NEBL: variants seen among roughly 807,000 people sequenced by gnomAD.
The protein encoded by NEBL is LIM and SH3 protein 2.
A neutral mutation model predicts 140.2 loss-of-function variants in NEBL; 122 were observed. The ratio of observed to expected loss-of-function variants is 0.87; its 90% CI spans 0.75 to 1.01. The LOEUF (loss-of-function observed/expected upper bound fraction) is 1.01. NEBL is among the 50% of genes least tolerant of loss of function. The pLI is 0.00. For synonymous variants in NEBL, 436 were observed against 398.9 expected (o/e 1.09, Z -1.11); for missense variants, 1,365 against 1,231.3 (o/e 1.11, Z -1.62).
Position 20,782,978 on chromosome 10 carries a change from G to T in NEBL, c.*2769C>A, listed in dbSNP as rs904585051. On this transcript the variant is annotated 3_prime_UTR_variant, in exon 28 of 28. Transcript: ENST00000377122. ...AAAAGTGTATCAAACTGTTCCTTGTGCTTCTGTCAGGCTTGAGAACACATC... is the reference window on the plus strand; with the variant it reads ...AAAAGTGTATCAAACTGTTCCTTGTTCTTCTGTCAGGCTTGAGAACACATC... The T allele has an allele frequency of 6.6e-6, 1 of 152,606 alleles. No homozygotes were observed. Among genetic ancestry groups the T allele is most frequent in the Non-Finnish European group, 1.5e-5 (1 of 68,036 alleles). 9.5% of individuals were successfully genotyped at this position (152,606 alleles called of 1,614,324 possible).
chr10:21,110,029 A>G (rs548514476), intron 2 of NEBL, among the ~76,000 whole-genome samples: 2 of 151,802 alleles, frequency 1.3e-5, no homozygotes, highest in Non-Finnish European at 2.9e-5. Context: ...GCTTAGTTAT[A>G]TCTTGTCTTC....
At chr10:20,838,333 A>C (rs1346516217) in intron 13 of NEBL, among the ~76,000 whole-genome samples, 1 of 152,218 alleles carries the variant, frequency 6.6e-6, no homozygotes. Context: ...ACTTCAGTGG[A>C]GGAAGCAACT....
intron 4 of NEBL, among the ~76,000 whole-genome samples, chr10:20,908,548 T>C (rs1848195994): frequency 6.6e-6 from 1 of 152,228 alleles, no homozygotes; most frequent in Admixed American, 6.5e-5. Context: ...TTTCCTGCTT[T>C]TCATTCATTA....
chr10:20,914,968 G>GTTTTTTTTTTTTTTTTT (rs1589003845), intron 4 of NEBL, among the ~76,000 whole-genome samples: 2 of 42,710 alleles, frequency 4.7e-5, no homozygotes, highest in African/African-American at 1.8e-4. Context: ...AAGTGGCTGG[G>GTTTTTTTTTTTTTTTTT]ATTTTTTTTT....
chr10:21,191,117 G>T (rs933807008), intron 3 of NEBL, among the ~76,000 whole-genome samples: 2 of 152,198 alleles, frequency 1.3e-5, no homozygotes, highest in Non-Finnish European at 2.9e-5. Flanking sequence ...TATGTTCTGT[G>T]TTGGGCTTAG....
intron 2 of NEBL, among the ~76,000 whole-genome samples, chr10:21,022,926 C>T (rs1332961029): frequency 2.0e-5 from 3 of 152,074 alleles, no homozygotes; most frequent in Admixed American, 1.3e-4. Flanking sequence ...AGGTCTTTTG[C>T]TCTCCTTATG....
At chr10:21,096,120 T>C (rs1332779144) in intron 2 of NEBL, among the ~76,000 whole-genome samples, 2 of 152,206 alleles carry the variant, frequency 1.3e-5, no homozygotes. Flanking sequence ...ATGTAATATG[T>C]CAAAATAATC....
At chr10:21,259,240 A>C (rs1842705518) in intron 1 of NEBL, among the ~76,000 whole-genome samples, 1 of 152,082 alleles carries the variant, frequency 6.6e-6, no homozygotes, top group Non-Finnish European at 1.5e-5. Flanking sequence ...GGAGTGTGCC[A>C]CCATGCCCAG....
At chr10:21,207,746 G>A (rs1841850200) in intron 3 of NEBL, among the ~76,000 whole-genome samples, 1 of 152,070 alleles carries the variant, frequency 6.6e-6, no homozygotes, top group South Asian at 2.1e-4. Context: ...TCCTAGCACT[G>A]GAAAAGCAGC....
chr10:21,002,056 C>T (rs1238446693), intron 3 of NEBL, among the ~76,000 whole-genome samples: 1 of 151,924 alleles, frequency 6.6e-6, no homozygotes, highest in African/African-American at 2.4e-5. Flanking sequence ...ATTTCTTTTT[C>T]TTTTTCAGAG....
At chr10:20,935,640 T>C (rs1307728418) in intron 4 of NEBL, among the ~76,000 whole-genome samples, 3 of 152,172 alleles carry the variant, frequency 2.0e-5, no homozygotes, top group Non-Finnish European at 2.9e-5. Context: ...CTCTTTAAAT[T>C]AAAATACAGA....
intron 2 of NEBL, among the ~76,000 whole-genome samples, chr10:21,157,971 C>A (rs1354433471): frequency 1.3e-5 from 2 of 152,134 alleles, no homozygotes; most frequent in Admixed American, 1.3e-4. Flanking sequence ...AGGACAGGGG[C>A]CTGAAACAGA....
intron 3 of NEBL, among the ~76,000 whole-genome samples, chr10:21,185,657 T>C (rs554675005): frequency 1.3e-5 from 2 of 151,564 alleles, no homozygotes; most frequent in Non-Finnish European, 1.5e-5. Context: ...CCACCACACC[T>C]GGCTAATTTT....
chr10:20,876,791 T>A (rs3933259), intron 5 of NEBL, among the ~76,000 whole-genome samples: 4,994 of 152,296 alleles, frequency 0.033, 163 homozygotes, highest in East Asian at 0.13. Flanking sequence ...CTCATAAGAC[T>A]GATGAGAACT....
rs115908077 is a variant in NEBL at position 21,085,483 on chromosome 10, T to C, written c.165-65282A>G. Among the ~76,000 whole-genome samples the C allele has an allele frequency of 3.8e-3, 582 of 152,060 alleles. 6 individuals are homozygous for C. The highest frequency in any genetic ancestry group is 0.013 in the African/African-American group (547 of 41,492). On this transcript the variant is annotated intron_variant, in intron 2 of 6. Transcript: ENST00000417816. ...CAAACAACAAACAAACAAAAAAACT[T>C]AATTAGCCAAGCATAGTGGTGCACA...
rs866956543 is a variant in NEBL at position 20,805,840 on chromosome 10, G to A, written c.2761+2670C>T. Among the ~76,000 whole-genome samples, 7 of 144,062 alleles carry A rather than the reference G, an allele frequency of 4.9e-5. No individual in the cohort carries two copies. The South Asian group carries it at 9.3e-4, about 19-fold the overall frequency. The allele number at this position is 144,062 out of a possible 152,430, so 94.5% of individuals were successfully genotyped here. A position where few individuals can be genotyped will look rare whatever the true frequency, so the allele number is the denominator to read the frequency against. ...TGCACTCCAGGCTGAGTGACACAGCGAGACTCCGTCTCAAAAAAAAAAAAA... is the reference window on the plus strand; with the variant it reads ...TGCACTCCAGGCTGAGTGACACAGCAAGACTCCGTCTCAAAAAAAAAAAAA... On this transcript the variant is annotated intron_variant, in intron 26 of 27. Coordinates refer to ENST00000377122, the MANE Select transcript of NEBL (RefSeq NM_006393.3).
chr10:20,888,056 T>A, intron 4 of NEBL, 41 bp downstream of exon 4: 1 of 1,362,112 alleles, frequency 7.3e-7, no homozygotes, highest in Non-Finnish European at 1.1e-6. Context: ...CAGTTATATG[T>A]TTTATCTACA....
chr10:21,169,049 C>CAAAAAAA (rs147147865), intron 2 of NEBL, among the ~76,000 whole-genome samples: 10 of 25,524 alleles, frequency 3.9e-4, no homozygotes, highest in Non-Finnish European at 4.8e-4. Flanking sequence ...ACTCCGTCTA[C>CAAAAAAA]AAAAAAAAAA....
intron 2 of NEBL, among the ~76,000 whole-genome samples, chr10:21,086,836 T>C (rs778729523): frequency 2.6e-5 from 4 of 152,144 alleles, no homozygotes; most frequent in Non-Finnish European, 5.9e-5. Flanking sequence ...TAAAAACCAA[T>C]GACAAAGACA....
Sources: gnomAD v4.1 joint callset for allele counts (sites outside exome capture counted in the v4.1 genomes callset) on GRCh38, gnomAD v4.1.1 for gene constraint, MANE v1.5 for transcripts, NCBI Gene and HGNC (gene_info 2026-07-23, HGNC 2026-07-21) for gene names.